Variants in FNDC1 observed in about 807,000 individuals in gnomAD.
FNDC1 encodes fibronectin type III domain-containing protein 1.
In FNDC1, 96 loss-of-function variants were observed where a neutral mutation model predicts 168.0. The observed-to-expected ratio is 0.57, with a 90% CI of 0.48 to 0.68. The LOEUF (loss-of-function observed/expected upper bound fraction) is 0.68, where lower values mean the gene tolerates loss of function less well. FNDC1 is among the 30% of genes least tolerant of loss of function. FNDC1 has a pLI of 0.00. For missense variants in FNDC1, 2,587 were observed against 2,482.1 expected, an observed-to-expected ratio of 1.04 and a Z score of -0.90; for synonymous variants, 1,099 against 1,025.9, an observed-to-expected ratio of 1.07 and a Z score of -1.36.
At chr6:159,267,949 A>G (rs1287781781) in intron 22 of FNDC1, 23 bp downstream of exon 22, 4 of 1,597,660 alleles carry the variant, frequency 2.5e-6, no homozygotes, top group East Asian at 4.5e-5. Context: ...AATGCCTGAT[A>G]TATTATCCTA....
At chr6:159,228,864 G>A (rs570007543) in intron 9 of FNDC1, among the ~76,000 whole-genome samples, 2 of 152,010 alleles carry the variant, frequency 1.3e-5, no homozygotes, top group South Asian at 2.1e-4. Context: ...TAATAGAGAC[G>A]GGGGTTTCAC....
At chr6:159,224,164 A>G (rs1263040107) in intron 7 of FNDC1, among the ~76,000 whole-genome samples, 2 of 152,212 alleles carry the variant, frequency 1.3e-5, no homozygotes, top group South Asian at 4.1e-4. Flanking sequence ...TTTATACATA[A>G]CAAAATGCAC....
chr6:159,174,625 G>C (rs1781726935), intron 1 of FNDC1, among the ~76,000 whole-genome samples: 1 of 152,258 alleles, frequency 6.6e-6, no homozygotes, highest in Non-Finnish European at 1.5e-5. Flanking sequence ...ACTCATTGGC[G>C]CTTTCTTCAT....
At chr6:159,204,892 T>C (rs1490531005) in intron 4 of FNDC1, among the ~76,000 whole-genome samples, 1 of 152,194 alleles carries the variant, frequency 6.6e-6, no homozygotes, top group Non-Finnish European at 1.5e-5. Context: ...TTTCCTGGCC[T>C]GGGTTCCTTT....
chr6:159,235,544 C>T (rs553769669), intron 11 of FNDC1, among the ~76,000 whole-genome samples: 14 of 152,182 alleles, frequency 9.2e-5, no homozygotes, highest in East Asian at 1.9e-4. Flanking sequence ...GTCTGACCTG[C>T]GAGTAGCGGT....
chr6:159,188,580 G>A (rs749602722), intron 1 of FNDC1, among the ~76,000 whole-genome samples: 113 of 150,344 alleles, frequency 7.5e-4, no homozygotes, highest in South Asian at 1.5e-3. Context: ...GGGTTTCACC[G>A]TGTTAGCCAG....
intron 7 of FNDC1, 100 bp from the exon 8 acceptor site, chr6:159,225,435 C>A (rs1782932415): frequency 7.6e-6 from 7 of 918,798 alleles, no homozygotes; most frequent in South Asian, 3.2e-5. Flanking sequence ...TTCTTACTTA[C>A]CTCCCAAAGT....
rs369118858 is a variant in FNDC1 at position 159,197,412 on chromosome 6, A to G, written c.110-19A>G. 6 of 1,589,718 alleles carry G rather than the reference A, an allele frequency of 3.8e-6. No individual in the cohort carries two copies. The highest frequency in any genetic ancestry group is 5.1e-6 in the Non-Finnish European group (6 of 1,169,010). On this transcript the variant is annotated intron_variant, in intron 1 of 22. Coordinates refer to ENST00000297267, the MANE Select transcript of FNDC1 (RefSeq NM_032532.3). ...CAATCTGTTATTGCCATGAGTTGATAGTTGCGCTGTTTACATAGTTGACCA... is the reference window on the plus strand; with the variant it reads ...CAATCTGTTATTGCCATGAGTTGATGGTTGCGCTGTTTACATAGTTGACCA...
At position 159,271,978 on chromosome 6, in the gene FNDC1, T is replaced by G. The variant is rs1306379335; in HGVS notation, c.*536T>G. Reference sequence around the variant, plus strand: ...TTTACTCTATGGACTTACCCACTGCTAGAATAAATGTATCAAATCTTATTT... The same window carrying G: ...TTTACTCTATGGACTTACCCACTGCGAGAATAAATGTATCAAATCTTATTT... On this transcript the variant is annotated 3_prime_UTR_variant, in exon 23 of 23. Transcript: ENST00000297267. The G allele has an allele frequency of 6.5e-6, 1 of 153,020 alleles. No individual in the cohort carries two copies. The highest frequency in any genetic ancestry group is 1.9e-4 in the East Asian group (1 of 5,208). The allele number at this position is 153,020 out of a possible 1,614,324, so 9.5% of individuals were successfully genotyped here.
At chr6:159,185,575 C>T (rs1187368246) in intron 1 of FNDC1, among the ~76,000 whole-genome samples, 1 of 152,202 alleles carries the variant, frequency 6.6e-6, no homozygotes, top group Non-Finnish European at 1.5e-5. Flanking sequence ...CCATTTTCCA[C>T]TTTGCTGTCA....
chr6:159,175,039 G>T (rs1334960618), intron 1 of FNDC1, among the ~76,000 whole-genome samples: 1 of 152,142 alleles, frequency 6.6e-6, no homozygotes, highest in African/African-American at 2.4e-5. Context: ...CTTGAGAGGT[G>T]TTCATGTTAA....
At position 159,226,464 on chromosome 6, in the gene FNDC1, A is replaced by G. The variant is rs531871424; in HGVS notation, c.1073-9A>G. On this transcript the variant is annotated splice_polypyrimidine_tract_variant and intron_variant, in intron 8 of 22. Transcript: ENST00000297267. The stretch of plus-strand genomic sequence containing the variant: ...ATTTAAAAATGTTTCTTTCCTTGTC[A>G]TTTTGTAGCCCCTACCACAGCTCCT... The G allele has an allele frequency of 1.9e-5, 30 of 1,606,920 alleles. No homozygotes were observed. In the South Asian group the frequency reaches 2.9e-4, roughly 16 times the overall value.
intron 14 of FNDC1, among the ~76,000 whole-genome samples, chr6:159,242,263 G>C (rs1190947879): frequency 6.6e-6 from 1 of 152,164 alleles, no homozygotes. Flanking sequence ...GTTGTCACTT[G>C]TAAGTGGGAG....
intron 10 of FNDC1, among the ~76,000 whole-genome samples, chr6:159,230,215 C>T (rs684052): frequency 0.38 from 58,381 of 152,014 alleles, 14,330 homozygotes; most frequent in East Asian, 0.73. Flanking sequence ...ATAACAGTTA[C>T]TATTTCAGTA....
chr6:159,188,406 G>A (rs1180754113), intron 1 of FNDC1, among the ~76,000 whole-genome samples: 3 of 129,066 alleles, frequency 2.3e-5, no homozygotes, highest in Non-Finnish European at 4.8e-5. Context: ...ACAGAGTCTT[G>A]CTCTGTTGCC....
chr6:159,204,531 G>A (rs147784791), intron 4 of FNDC1, among the ~76,000 whole-genome samples: 2,151 of 152,206 alleles, frequency 0.014, 59 homozygotes, highest in African/African-American at 0.049. Context: ...AGAAGCTGCC[G>A]CTGTCCTGTT....
intron 22 of FNDC1, 118 bp from the exon 23 acceptor site, chr6:159,271,209 G>T: frequency 2.9e-6 from 2 of 700,930 alleles, no homozygotes; most frequent in Non-Finnish European, 5.0e-6. Flanking sequence ...TGAAAGTAGC[G>T]TTTTGTCACA....
At chr6:159,173,355 C>T (rs768688388) in intron 1 of FNDC1, among the ~76,000 whole-genome samples, 2 of 152,218 alleles carry the variant, frequency 1.3e-5, no homozygotes, top group African/African-American at 2.4e-5. Context: ...TGTGGCTCAA[C>T]CTGCATGTGG....
intron 15 of FNDC1, among the ~76,000 whole-genome samples, chr6:159,247,910 C>G (rs774005802): frequency 1.3e-5 from 2 of 152,212 alleles, no homozygotes; most frequent in Non-Finnish European, 2.9e-5. Flanking sequence ...TTAAAGGAAT[C>G]TTGTCCACAC....
Sources: allele counts gnomAD v4.1 joint callset (sites outside exome capture counted in the v4.1 genomes callset), GRCh38; gene constraint gnomAD v4.1.1; transcripts MANE v1.5; gene names NCBI Gene and HGNC (gene_info 2026-07-23, HGNC 2026-07-21).